Variants in CYP2S1 observed in about 807,000 individuals in gnomAD.
CYP2S1 encodes the protein cytochrome P450 family 2 subfamily S member 1.
A neutral mutation model predicts 43.5 loss-of-function variants in CYP2S1; 32 were observed. That is an observed-to-expected ratio of 0.74 (90% CI 0.56 to 0.99). The LOEUF is 0.99. Ranked by LOEUF, CYP2S1 falls within the 50% of genes least tolerant of loss-of-function variation. The pLI is 0.00. For synonymous variants in CYP2S1, 283 were observed against 302.9 expected, an observed-to-expected ratio of 0.93 and a Z score of 0.68; for missense variants, 575 against 673.9, an observed-to-expected ratio of 0.85 and a Z score of 1.62.
Position 41,203,464 on chromosome 19 carries a change from G to T in CYP2S1, c.991G>T (p.Glu331Ter), listed in dbSNP as rs747101289. The T allele has an allele frequency of 6.2e-7, 1 of 1,607,942 alleles. No individual in the cohort carries two copies. Among genetic ancestry groups the T allele is most frequent in the Non-Finnish European group, 8.5e-7 (1 of 1,177,368 alleles). Residue 331 changes from glutamate to a stop codon, truncating the protein, a stop_gained, in exon 7 of 9, where the codon GAG (glutamate) becomes TAG (stop). Coordinates refer to ENST00000310054, the MANE Select transcript of CYP2S1 (RefSeq NM_030622.8). LOFTEE classifies it high-confidence loss of function. ...YPHVQKWVRE[E>*]LNRELGAGQA... is the part of the protein sequence containing the mutation. Reference sequence around the variant, plus strand: ...CTTGCTTGCAGAGTGGGTACGTGAGGAGCTGAATCGGGAGCTGGGGGCTGG... The same window carrying T: ...CTTGCTTGCAGAGTGGGTACGTGAGTAGCTGAATCGGGAGCTGGGGGCTGG...
Position 41,206,482 on chromosome 19 carries a change from C to G in CYP2S1, c.1509C>G (p.Thr503=), listed in dbSNP as rs754681565. The part of the protein sequence containing the change: ...RPTDLHSTTQ[T]R The stretch of plus-strand genomic sequence containing the variant: ...CTGACCTTCACTCCACCACGCAGAC[C>G]AGATGAAGGAAGGCAACTTGGAAGT... Residue 503 remains threonine (T), a synonymous_variant, in exon 9 of 9, where the codon ACC becomes ACG. Transcript: ENST00000310054. 2 of 1,614,134 alleles carry G rather than the reference C, an allele frequency of 1.2e-6. No individual in the cohort carries two copies. Among genetic ancestry groups the G allele is most frequent in the East Asian group, 4.5e-5 (2 of 44,866 alleles).
intron 2 of CYP2S1, among the ~76,000 whole-genome samples, chr19:41,196,546 A>G (rs1707168833): frequency 6.6e-6 from 1 of 151,944 alleles, no homozygotes; most frequent in Non-Finnish European, 1.5e-5. Context: ...GGCTGGGGCC[A>G]GGGGATGGGG....
At position 41,206,942 on chromosome 19, in the gene CYP2S1, C is replaced by T. The variant is rs989122815; in HGVS notation, c.*454C>T. 7 of 378,006 alleles carry T rather than the reference C, an allele frequency of 1.9e-5. No individual in the cohort carries two copies. Among genetic ancestry groups the T allele is most frequent in the Admixed American group, 3.2e-5 (1 of 31,660 alleles). The allele number at this position is 378,006 out of a possible 1,614,324, so 23.4% of individuals were successfully genotyped here. A position where few individuals can be genotyped will look rare whatever the true frequency, so the allele number is the denominator to read the frequency against. On this transcript the variant is annotated 3_prime_UTR_variant, in exon 9 of 9. Coordinates refer to ENST00000310054, the MANE Select transcript of CYP2S1 (RefSeq NM_030622.8). ...GCCTGGCACAGGGAACAGCATGCCC[C>T]CTCCGGGGTCATGCCACCCAGAGAC...
Position 41,198,720 on chromosome 19 carries a change from G to A in CYP2S1, c.666G>A (p.Met222Ile). ...VSSQGGQTYE[M>I]FSWFLRPLPG... ...CCTTCTCCCCACAGACCTACGAGAT[G>A]TTCTCCTGGTTCCTGCGGCCCCTGC... is the stretch of plus-strand genomic sequence containing the variant. Residue 222 changes from methionine to isoleucine, a missense_variant, in exon 5 of 9, where the codon ATG becomes ATA. Transcript: ENST00000310054. The surrounding 1 kb of genome is among the most constrained non-coding windows in gnomAD (Gnocchi z 4.9). The A allele has an allele frequency of 6.2e-7, 1 of 1,614,068 alleles. No homozygotes were observed. The highest frequency in any genetic ancestry group is 8.5e-7 in the Non-Finnish European group (1 of 1,179,980).
rs543396347 is a variant in CYP2S1, at chr19:41,195,497, C to T, written c.343+788C>T. Among the ~76,000 whole-genome samples, 51 of 138,042 alleles carry T rather than the reference C, an allele frequency of 3.7e-4. No homozygotes were observed. In the Middle Eastern group the frequency reaches 0.014, roughly 38 times the overall value. The allele number at this position is 138,042 out of a possible 152,430, so 90.6% of individuals were successfully genotyped here. ...TGGTCAGGGCCAAGATGGGGAAGCACGGGGAGAAAGGTCAGGGTGGGATGG... is the reference window on the plus strand; with the variant it reads ...TGGTCAGGGCCAAGATGGGGAAGCATGGGGAGAAAGGTCAGGGTGGGATGG... On this transcript the variant is annotated intron_variant, in intron 2 of 8. Coordinates refer to ENST00000310054, the MANE Select transcript of CYP2S1 (RefSeq NM_030622.8).
At chr19:41,197,707 AAAAG>A (rs1313903875) in intron 2 of CYP2S1, 68 bp from the exon 3 acceptor site, 21 of 1,576,924 alleles carry the variant, frequency 1.3e-5, no homozygotes, top group East Asian at 6.7e-5. Flanking sequence ...CTCAAAAAAA[AAAAG>A]AAAGAAAGGA....
intron 7 of CYP2S1, among the ~76,000 whole-genome samples, chr19:41,203,844 C>T (rs991457945): frequency 1.3e-5 from 2 of 148,548 alleles, no homozygotes; most frequent in Admixed American, 1.4e-4. Flanking sequence ...TCTCTGACAC[C>T]CCCTCCCTTT....
chr19:41,200,336 A>G (rs1354535781), intron 5 of CYP2S1, among the ~76,000 whole-genome samples: 1 of 152,056 alleles, frequency 6.6e-6, no homozygotes, highest in Non-Finnish European at 1.5e-5. Context: ...TATACCCATT[A>G]AACAACTGCC....
intron 2 of CYP2S1, among the ~76,000 whole-genome samples, chr19:41,197,055 C>T (rs1242752516): frequency 6.6e-6 from 1 of 151,992 alleles, no homozygotes; most frequent in Non-Finnish European, 1.5e-5. Context: ...ATTAGCTGGG[C>T]GTAGTGGCAT....
intron 2 of CYP2S1, among the ~76,000 whole-genome samples, chr19:41,195,273 G>A (rs1435892702): frequency 5.9e-5 from 9 of 152,178 alleles, no homozygotes; most frequent in South Asian, 2.1e-4. Flanking sequence ...GAAAGATGCC[G>A]GAGCGCTTTC....
Position 41,194,693 on chromosome 19 carries a change from G to A in CYP2S1, c.327G>A (p.Gly109=), listed in dbSNP as rs368119173. 63 of 1,611,572 alleles carry A rather than the reference G, an allele frequency of 3.9e-5. No homozygotes were observed. The highest frequency in any genetic ancestry group is 5.2e-5 in the Non-Finnish European group (61 of 1,179,128). Reference sequence around the variant, plus strand: ...GGGGAACCGTAGCGATGCTGGAAGGGACTTTTGATGGCCATGGTAAGTCAA... The same window carrying A: ...GGGGAACCGTAGCGATGCTGGAAGGAACTTTTGATGGCCATGGTAAGTCAA... ...SGRGTVAMLE[G]TFDGHGVFFS... is the part of the protein sequence containing the mutation. The change falls in exon 2 of 9, where the codon GGG becomes GGA. Residue 109 remains glycine, a synonymous_variant. Transcript: ENST00000310054.
Position 41,198,568 on chromosome 19 carries a change from C to G in CYP2S1, c.600C>G (p.Ala200=), listed in dbSNP as rs758751736. 16 of 1,614,070 alleles carry G rather than the reference C, an allele frequency of 9.9e-6. No individual in the cohort carries two copies. Among genetic ancestry groups the G allele is most frequent in the Non-Finnish European group, 1.3e-5 (15 of 1,180,038 alleles). ...RFSYEDKEFQ[A]VVRAAGGTLL... ...CCTATGAGGATAAGGAGTTCCAGGC[C>G]GTGGTCCGGGCAGCTGGTGGTACCC... The change falls in exon 4 of 9, where the codon GCC becomes GCG. Residue 200 remains alanine (A), a synonymous_variant. Coordinates refer to ENST00000310054, the MANE Select transcript of CYP2S1 (RefSeq NM_030622.8). The surrounding 1 kb of genome is among the most constrained non-coding windows in gnomAD (Gnocchi z 4.9).
chr19:41,204,828 C>A (rs1207344456), intron 7 of CYP2S1, among the ~76,000 whole-genome samples: 1 of 151,874 alleles, frequency 6.6e-6, no homozygotes, highest in Non-Finnish European at 1.5e-5. Flanking sequence ...AAACTCCTGA[C>A]CTCATGAACT....
In CYP2S1 at chr19:41,197,642, G is replaced by C; in HGVS notation, c.344-137G>C. ...TTGAACCCGGGAGGCAGAGGTTGCAGTGAGACGAGATCACGCCACTGCACT... is the reference window on the plus strand; with the variant it reads ...TTGAACCCGGGAGGCAGAGGTTGCACTGAGACGAGATCACGCCACTGCACT... On this transcript the variant is annotated intron_variant, in intron 2 of 8. Transcript: ENST00000310054. The C allele has an allele frequency of 2.2e-6, 3 of 1,336,166 alleles. No individual in the cohort carries two copies. In the South Asian group the frequency reaches 3.9e-5, roughly 17 times the overall value. The allele number at this position is 1,336,166 out of a possible 1,614,324, so 82.8% of individuals were successfully genotyped here.
chr19:41,195,901 C>A (rs565830504), intron 2 of CYP2S1, among the ~76,000 whole-genome samples: 15 of 151,944 alleles, frequency 9.9e-5, no homozygotes, highest in Admixed American at 3.3e-4. Flanking sequence ...AACAAACAAA[C>A]AAAAAATCAT....
At position 41,205,374 on chromosome 19, in the gene CYP2S1, CTT is replaced by C. The variant is rs1197016224; in HGVS notation, c.1165-582_1165-581del. ...TCTTTCTTTCTTTCTTTCTTTCTTTCTTTCTTTCTCTCTCTCTCTTTCTTTCT... is the reference window on the plus strand; with the variant it reads ...TCTTTCTTTCTTTCTTTCTTTCTTTCTCTTTCTCTCTCTCTCTTTCTTTCT... On this transcript the variant is annotated intron_variant, in intron 7 of 8. Transcript: ENST00000310054. Among the ~76,000 whole-genome samples the C allele has an allele frequency of 1.1e-3, 75 of 71,416 alleles. 1 individual carries two copies. The highest frequency in any genetic ancestry group is 5.2e-3 in the African/African-American group (33 of 6,304). The allele number at this position is 71,416 out of a possible 152,430, so 46.9% of individuals were successfully genotyped here. A position where few individuals can be genotyped will look rare whatever the true frequency, so the allele number is the denominator to read the frequency against.
At chr19:41,202,685 G>A (rs1389571956) in intron 6 of CYP2S1, among the ~76,000 whole-genome samples, 2 of 152,006 alleles carry the variant, frequency 1.3e-5, no homozygotes, top group Admixed American at 6.6e-5. Context: ...AGCTACTCAG[G>A]AGACTGAGGT....
chr19:41,202,141 C>T (rs1020253911), intron 6 of CYP2S1, among the ~76,000 whole-genome samples: 5 of 152,112 alleles, frequency 3.3e-5, no homozygotes, highest in African/African-American at 7.2e-5. Context: ...GCATGCACCA[C>T]CACGCCCAGC....
rs1443730262 is a variant in CYP2S1, at chr19:41,198,455, C to T, written c.494-7C>T. On this transcript the variant is annotated splice_polypyrimidine_tract_variant and splice_region_variant and intron_variant, in intron 3 of 8. Transcript: ENST00000310054. The surrounding 1 kb of genome is among the most constrained non-coding windows in gnomAD (Gnocchi z 4.9). Reference sequence around the variant, plus strand: ...ACAGCCTACCTCCCTGCCCCCATTCCCCCCAGGACGCCCATTCGATCCCTC... The same window carrying T: ...ACAGCCTACCTCCCTGCCCCCATTCTCCCCAGGACGCCCATTCGATCCCTC... 2 of 1,613,438 alleles carry T rather than the reference C, an allele frequency of 1.2e-6. No homozygotes were observed. The highest frequency in any genetic ancestry group is 1.3e-5 in the African/African-American group (1 of 75,028).
Sources: allele counts gnomAD v4.1 joint callset (sites outside exome capture counted in the v4.1 genomes callset), GRCh38; gene constraint gnomAD v4.1.1; non-coding constraint Gnocchi (gnomAD v3.1); transcripts MANE v1.5; gene names NCBI Gene and HGNC (gene_info 2026-07-23, HGNC 2026-07-21).